The following GPR158 variants were observed in gnomAD, a reference collection of about 807,000 sequenced individuals.
GPR158 encodes the protein metabotropic glycine receptor.
A neutral mutation model predicts 78.2 loss-of-function variants in GPR158; 30 were observed. The observed-to-expected ratio is 0.38, with a 90% confidence interval of 0.29 to 0.52. GPR158 has a LOEUF of 0.52. Among genes scored for constraint, GPR158 ranks in the 20% least tolerant of loss-of-function variants. The pLI is 0.83. For synonymous variants in GPR158, 581 were observed against 591.1 expected (o/e 0.98, Z 0.25); for missense variants, 1,463 against 1,523.5 (o/e 0.96, Z 0.66).
chr10:25,276,608 A>G (rs377615449), intron 2 of GPR158, among the ~76,000 whole-genome samples: 47 of 152,326 alleles, frequency 3.1e-4, no homozygotes, highest in South Asian at 1.4e-3. Context: ...GATCCTTGTA[A>G]TTGGACCTCA....
At chr10:25,551,609 T>C (rs925056912) in intron 6 of GPR158, among the ~76,000 whole-genome samples, 2 of 152,198 alleles carry the variant, frequency 1.3e-5, no homozygotes, top group East Asian at 3.8e-4. Context: ...AAATGGAGAA[T>C]GCTCTAAGTT....
chr10:25,521,106 C>T (rs1053675161), intron 5 of GPR158, among the ~76,000 whole-genome samples: 6 of 152,352 alleles, frequency 3.9e-5, no homozygotes, highest in East Asian at 3.9e-4. Context: ...GCGCAGTATT[C>T]GGGCGGGAGT....
Position 25,527,469 on chromosome 10 carries a change from T to C in GPR158, c.1405-23507T>C, listed in dbSNP as rs1051712016. On this transcript the variant is annotated intron_variant, in intron 5 of 10. Coordinates refer to ENST00000376351, the MANE Select transcript of GPR158 (RefSeq NM_020752.3). ...TTAAAAGCCCCAAATATTTGGAAAT[T>C]AAACAATTTTTAAACAATTAGCGTG... Among the ~76,000 whole-genome samples the C allele has an allele frequency of 1.4e-4, 21 of 152,220 alleles. 1 individual carries two copies. Among genetic ancestry groups the C allele is most frequent in the Middle Eastern group, 3.4e-3 (1 of 294 alleles).
Position 25,175,527 on chromosome 10 carries a change from G to C in GPR158, c.107G>C (p.Arg36Pro), listed in dbSNP as rs536224494. Residue 36 changes from arginine (R) to proline (P), a missense_variant, in exon 1 of 11, where the codon CGA becomes CCA. Coordinates refer to ENST00000376351, the MANE Select transcript of GPR158 (RefSeq NM_020752.3). The surrounding 1 kb of genome is among the most constrained non-coding windows in gnomAD (Gnocchi z 6.4). ...CCCCAAGGACGGCCGGATTCCCCTC[G>C]AGAGAGGACCCCGAAGGGGAAGCCG... ...RDPQGRPDSP[R>P]ERTPKGKPHA... The C allele has an allele frequency of 4.3e-6, 7 of 1,612,190 alleles. No individual in the cohort carries two copies. Among genetic ancestry groups the C allele is most frequent in the East Asian group, 2.2e-5 (1 of 44,820 alleles).
At chr10:25,199,137 T>A (rs1168304994) in intron 1 of GPR158, among the ~76,000 whole-genome samples, 2 of 151,502 alleles carry the variant, frequency 1.3e-5, no homozygotes, top group African/African-American at 4.9e-5. Flanking sequence ...TTTGTTTTTT[T>A]TTTGCTTTTA....
intron 5 of GPR158, among the ~76,000 whole-genome samples, chr10:25,471,692 T>C (rs1334773779): frequency 6.6e-6 from 1 of 152,232 alleles, no homozygotes; most frequent in Non-Finnish European, 1.5e-5. Context: ...TGGTTTTGAT[T>C]TGCATTTCTC....
At chr10:25,580,677 A>G (rs1837179154) in intron 7 of GPR158, among the ~76,000 whole-genome samples, 1 of 152,160 alleles carries the variant, frequency 6.6e-6, no homozygotes, top group South Asian at 2.1e-4. Context: ...AATATGTCAT[A>G]TGCCTTAATG....
At chr10:25,437,377 C>T (rs1055340683) in intron 4 of GPR158, among the ~76,000 whole-genome samples, 1 of 140,346 alleles carries the variant, frequency 7.1e-6, no homozygotes, top group Non-Finnish European at 1.6e-5. Flanking sequence ...AGGTGCACAT[C>T]GCCAAGCCTG....
chr10:25,254,131 A>G (rs1368014706), intron 2 of GPR158, among the ~76,000 whole-genome samples: 5 of 152,156 alleles, frequency 3.3e-5, no homozygotes, highest in African/African-American at 1.2e-4. Context: ...GGTTTATTCT[A>G]CTGCTTGTAC....
At chr10:25,572,573 A>G in intron 6 of GPR158, 76 bp from the exon 7 acceptor site, 1 of 968,804 alleles carries the variant, frequency 1.0e-6, no homozygotes, top group South Asian at 1.4e-5. Flanking sequence ...CATTTTACCT[A>G]GAAAAATAAG....
At chr10:25,381,801 AT>A (rs1209175672) in intron 2 of GPR158, among the ~76,000 whole-genome samples, 1 of 152,204 alleles carries the variant, frequency 6.6e-6, no homozygotes, top group Non-Finnish European at 1.5e-5. Context: ...ACAACAATTT[AT>A]TTTAGCAAAA....
At chr10:25,406,369 C>T (rs1588848100) in intron 3 of GPR158, among the ~76,000 whole-genome samples, 1 of 152,266 alleles carries the variant, frequency 6.6e-6, no homozygotes, top group East Asian at 1.9e-4. Context: ...CCCATTTGCC[C>T]ACAGTAATAT....
chr10:25,335,527 T>C (rs1217131061), intron 2 of GPR158, among the ~76,000 whole-genome samples: 1 of 152,020 alleles, frequency 6.6e-6, no homozygotes, highest in East Asian at 1.9e-4. Flanking sequence ...GCTTTATTGT[T>C]CCGTAGAATT....
intron 5 of GPR158, among the ~76,000 whole-genome samples, chr10:25,477,330 A>G (rs904984499): frequency 1.3e-5 from 2 of 152,148 alleles, no homozygotes; most frequent in Admixed American, 1.3e-4. Flanking sequence ...TTTCATTGCT[A>G]AAATTACTTT....
chr10:25,585,652 G>A (rs10764563), intron 7 of GPR158, among the ~76,000 whole-genome samples: 44,322 of 152,106 alleles, frequency 0.29, 6,923 homozygotes, highest in East Asian at 0.49. Context: ...GAGCAATAGT[G>A]TGAGCAAGAC....
intron 2 of GPR158, among the ~76,000 whole-genome samples, chr10:25,277,042 T>C (rs11014483): frequency 1.3e-5 from 2 of 151,972 alleles, no homozygotes; most frequent in East Asian, 3.9e-4. Flanking sequence ...CTTGAACTCC[T>C]GGGCTCAAGG....
At chr10:25,199,029 T>C (rs753705729) in intron 1 of GPR158, among the ~76,000 whole-genome samples, 5 of 133,308 alleles carry the variant, frequency 3.8e-5, no homozygotes, top group Non-Finnish European at 8.0e-5. Context: ...GAATTCGCTT[T>C]AAGTTTTAGA....
intron 1 of GPR158, among the ~76,000 whole-genome samples, chr10:25,191,063 A>G (rs960597982): frequency 2.6e-5 from 4 of 152,212 alleles, no homozygotes; most frequent in Admixed American, 2.6e-4. Flanking sequence ...CTCTCACAAT[A>G]CAGTCCCCTG....
intron 4 of GPR158, among the ~76,000 whole-genome samples, chr10:25,439,825 C>T (rs1835044932): frequency 6.6e-6 from 1 of 152,136 alleles, no homozygotes; most frequent in Non-Finnish European, 1.5e-5. Context: ...GAACAATTGT[C>T]TACAATTGTG....
Sources: allele counts gnomAD v4.1 joint callset (sites outside exome capture counted in the v4.1 genomes callset), GRCh38; gene constraint gnomAD v4.1.1; non-coding constraint Gnocchi (gnomAD v3.1); transcripts MANE v1.5; gene names NCBI Gene and HGNC (gene_info 2026-07-23, HGNC 2026-07-21).